The following LRP1B variants were observed in gnomAD, a reference collection of about 807,000 sequenced individuals.
The protein encoded by LRP1B is LDL receptor related protein 1B, also known as low-density lipoprotein receptor-related protein 1B.
A neutral mutation model predicts 556.6 loss-of-function variants in LRP1B; 217 were observed. The ratio of observed to expected loss-of-function variants is 0.39; its 90% confidence interval spans 0.35 to 0.44. The LOEUF is 0.44. Ranked by LOEUF, LRP1B falls within the 20% of genes least tolerant of loss-of-function variation. LRP1B has a pLI of 1.00. For missense variants in LRP1B, 5,053 were observed against 5,620.8 expected, an observed-to-expected ratio of 0.90 and a Z score of 3.23; for synonymous variants, 2,047 against 1,865.8, an observed-to-expected ratio of 1.10 and a Z score of -2.50.
chr2:140,825,545 A>C (rs962064326), intron 31 of LRP1B, among the ~76,000 whole-genome samples: 3 of 152,176 alleles, frequency 2.0e-5, no homozygotes, highest in African/African-American at 7.2e-5. Context: ...AAACATTGCA[A>C]AGCCAGTATT....
intron 43 of LRP1B, among the ~76,000 whole-genome samples, chr2:140,581,622 T>G (rs1408149847): frequency 2.0e-5 from 3 of 152,136 alleles, no homozygotes; most frequent in African/African-American, 7.2e-5. Context: ...TTACCATAAA[T>G]GGAAATCTAG....
intron 32 of LRP1B, among the ~76,000 whole-genome samples, chr2:140,787,488 A>G (rs1689946140): frequency 6.6e-6 from 1 of 151,204 alleles, no homozygotes. Flanking sequence ...GTGTAGAATC[A>G]TATCATAGCA....
In LRP1B at chr2:142,022,095, A is replaced by G. The variant is rs543051814; in HGVS notation, c.82+108553T>C. ...GTATGACTTGTGAATGTCAGATCAG[A>G]AGTGTATATTTTGATTATTATTTTT... On this transcript the variant is annotated intron_variant, in intron 1 of 90. Transcript: ENST00000389484. Among the ~76,000 whole-genome samples, 4 of 152,260 alleles carry G rather than the reference A, an allele frequency of 2.6e-5. No homozygotes were observed. The East Asian group carries it at 7.7e-4, about 29-fold the overall frequency.
intron 65 of LRP1B, among the ~76,000 whole-genome samples, chr2:140,443,142 C>A (rs1446934517): frequency 1.3e-5 from 2 of 152,118 alleles, no homozygotes; most frequent in African/African-American, 4.8e-5. Flanking sequence ...CTCACTGCAA[C>A]CTCCACCTCC....
chr2:141,140,521 C>A (rs752464070), intron 7 of LRP1B, among the ~76,000 whole-genome samples: 1 of 151,910 alleles, frequency 6.6e-6, no homozygotes, highest in South Asian at 2.1e-4. Flanking sequence ...AAATGAGGTC[C>A]TAAGGGTAGG....
chr2:140,535,181 T>C (rs1274917221), intron 46 of LRP1B, among the ~76,000 whole-genome samples: 4 of 152,142 alleles, frequency 2.6e-5, no homozygotes. Flanking sequence ...GCTGAACCTT[T>C]ACAGAAAATG....
chr2:140,402,223 C>G (rs895441169), intron 66 of LRP1B, among the ~76,000 whole-genome samples: 15 of 152,206 alleles, frequency 9.9e-5, no homozygotes, highest in Non-Finnish European at 2.2e-4. Context: ...GATGGCAGGC[C>G]TTGGGTTCCA....
intron 25 of LRP1B, among the ~76,000 whole-genome samples, chr2:140,883,009 T>C (rs1431344463): frequency 6.6e-6 from 1 of 152,210 alleles, no homozygotes; most frequent in Non-Finnish European, 1.5e-5. Context: ...CACCTATCAG[T>C]TGCATATTAT....
chr2:142,018,304 T>C (rs1703218412), intron 1 of LRP1B, among the ~76,000 whole-genome samples: 1 of 152,130 alleles, frequency 6.6e-6, no homozygotes, highest in Non-Finnish European at 1.5e-5. Context: ...AATAAATATC[T>C]CCCTTCAGGT....
At chr2:140,367,829 C>T (rs181623383) in intron 71 of LRP1B, among the ~76,000 whole-genome samples, 2 of 151,648 alleles carry the variant, frequency 1.3e-5, no homozygotes, top group East Asian at 1.9e-4. Flanking sequence ...AATTTGTGAA[C>T]GTTTGACATT....
At chr2:141,005,169 T>C (rs1352622796) in intron 15 of LRP1B, among the ~76,000 whole-genome samples, 166 bp downstream of exon 15, 1 of 152,086 alleles carries the variant, frequency 6.6e-6, no homozygotes, top group Admixed American at 6.6e-5. Context: ...TTCATCTATA[T>C]ATTCAAAATT....
At position 141,043,272 on chromosome 2, in the gene LRP1B, G is replaced by T. The variant is rs140033638; in HGVS notation, c.1789+5714C>A. Among the ~76,000 whole-genome samples, 268 of 150,620 alleles carry T rather than the reference G, an allele frequency of 1.8e-3. 3 individuals carry two copies. The highest frequency in any genetic ancestry group is 6.1e-3 in the African/African-American group (250 of 41,234). ...TAAATAAATAAAATAAAAAGAAAAA[G>T]AAAAGAAAAGAATCACAGTTGGGAA... On this transcript the variant is annotated intron_variant, in intron 11 of 90. Transcript: ENST00000389484.
chr2:141,421,056 G>T (rs1278919921), intron 3 of LRP1B, among the ~76,000 whole-genome samples: 3 of 152,082 alleles, frequency 2.0e-5, no homozygotes, highest in African/African-American at 7.2e-5. Flanking sequence ...TGCTCTCCTG[G>T]AATACCACAA....
chr2:140,540,093 A>T (rs887636313), intron 45 of LRP1B, among the ~76,000 whole-genome samples: 1 of 152,102 alleles, frequency 6.6e-6, no homozygotes, highest in Non-Finnish European at 1.5e-5. Context: ...AGAGAGTAAA[A>T]ATCGACTGAA....
chr2:140,929,090 CG>C (rs1694972069), intron 20 of LRP1B, among the ~76,000 whole-genome samples: 1 of 151,982 alleles, frequency 6.6e-6, no homozygotes, highest in Non-Finnish European at 1.5e-5. Context: ...TGTGTGAAAA[CG>C]GATTTTACAA....
At chr2:141,273,699 G>T (rs937296065) in intron 3 of LRP1B, among the ~76,000 whole-genome samples, 1 of 152,100 alleles carries the variant, frequency 6.6e-6, no homozygotes, top group East Asian at 1.9e-4. Context: ...GATATAAAAT[G>T]CACAAGTGAC....
At chr2:141,087,298 A>G (rs1251373048) in intron 7 of LRP1B, among the ~76,000 whole-genome samples, 1 of 152,096 alleles carries the variant, frequency 6.6e-6, no homozygotes, top group African/African-American at 2.4e-5. Context: ...AGCCTATCGG[A>G]CCTGGAGCAG....
At chr2:140,278,268 T>C (rs1682768407) in intron 84 of LRP1B, among the ~76,000 whole-genome samples, 1 of 151,998 alleles carries the variant, frequency 6.6e-6, no homozygotes, top group African/African-American at 2.4e-5. Context: ...TGATAATGTT[T>C]TTCTTGAATG....
intron 46 of LRP1B, 118 bp downstream of exon 46, chr2:140,536,463 G>A: frequency 1.0e-6 from 1 of 956,950 alleles, no homozygotes; most frequent in Non-Finnish European, 1.6e-6. Flanking sequence ...TTAGATACAG[G>A]TTAATGAGAG....
Sources: gnomAD v4.1 joint callset for allele counts (sites outside exome capture counted in the v4.1 genomes callset) on GRCh38, gnomAD v4.1.1 for gene constraint, MANE v1.5 for transcripts, NCBI Gene and HGNC (gene_info 2026-07-23, HGNC 2026-07-21) for gene names.